Variants in TRPM3 observed in about 807,000 individuals in gnomAD.
TRPM3 encodes long transient receptor potential channel 3.
A neutral mutation model predicts 181.2 loss-of-function variants in TRPM3; 77 were observed. The ratio of observed to expected loss-of-function variants is 0.42; its 90% CI spans 0.35 to 0.51. The LOEUF (loss-of-function observed/expected upper bound fraction) is 0.51. Among genes scored for constraint, TRPM3 ranks in the 20% least tolerant of loss-of-function variants. The pLI, the probability that TRPM3 is intolerant of heterozygous loss-of-function variation, is 0.01. For missense variants in TRPM3, 1,759 were observed against 2,196.7 expected, an observed-to-expected ratio of 0.80 and a Z score of 3.98; for synonymous variants, 745 against 796.4, an observed-to-expected ratio of 0.94 and a Z score of 1.09.
chr9:70,994,434 G>A (rs1254440220), intron 1 of TRPM3, among the ~76,000 whole-genome samples: 1 of 151,962 alleles, frequency 6.6e-6, no homozygotes, highest in Non-Finnish European at 1.5e-5. Flanking sequence ...AAAACTACCT[G>A]ACTTTGACTC....
chr9:70,984,269 T>C, intron 1 of TRPM3, among the ~76,000 whole-genome samples: 1 of 152,232 alleles, frequency 6.6e-6, no homozygotes, highest in East Asian at 1.9e-4. Flanking sequence ...TCTGAGAGTG[T>C]TAAAAGCATT....
chr9:70,601,314 G>C (rs1256294911), intron 20 of TRPM3, among the ~76,000 whole-genome samples: 1 of 152,094 alleles, frequency 6.6e-6, no homozygotes, highest in African/African-American at 2.4e-5. Flanking sequence ...TGGTGACTCC[G>C]GGCAGAAGTA....
At chr9:71,057,203 C>T (rs991505852) in intron 1 of TRPM3, among the ~76,000 whole-genome samples, 1 of 152,008 alleles carries the variant, frequency 6.6e-6, no homozygotes. Context: ...TTTTCCCTTT[C>T]CTCTGAAGGG....
intron 1 of TRPM3, among the ~76,000 whole-genome samples, chr9:71,361,261 T>C (rs2132726488): frequency 6.6e-6 from 1 of 152,326 alleles, no homozygotes; most frequent in South Asian, 2.1e-4. Flanking sequence ...TTCACTATTA[T>C]CTAGTTCTGA....
At chr9:71,044,820 A>T (rs1002178146) in intron 1 of TRPM3, among the ~76,000 whole-genome samples, 2 of 150,378 alleles carry the variant, frequency 1.3e-5, no homozygotes, top group Non-Finnish European at 3.0e-5. Flanking sequence ...TACAGGCGCC[A>T]GCCACCACGC....
At chr9:70,973,830 T>G (rs1202578089) in intron 1 of TRPM3, among the ~76,000 whole-genome samples, 2 of 152,216 alleles carry the variant, frequency 1.3e-5, no homozygotes, top group East Asian at 3.8e-4. Context: ...TTTAATAAAG[T>G]TCTGCAAATC....
chr9:71,070,426 A>G (rs565156857), intron 1 of TRPM3, among the ~76,000 whole-genome samples: 2 of 152,342 alleles, frequency 1.3e-5, no homozygotes, highest in Admixed American at 6.5e-5. Flanking sequence ...TTAGCTCTGC[A>G]CCAGGTTGTG....
chr9:70,829,874 A>G (rs2093783805), intron 5 of TRPM3, among the ~76,000 whole-genome samples: 1 of 152,142 alleles, frequency 6.6e-6, no homozygotes, highest in Admixed American at 6.5e-5. Flanking sequence ...TTTTGTTGCT[A>G]CTTGTTTTTT....
At chr9:71,008,301 C>A (rs2097701277) in intron 1 of TRPM3, among the ~76,000 whole-genome samples, 1 of 152,006 alleles carries the variant, frequency 6.6e-6, no homozygotes, top group Admixed American at 6.6e-5. Context: ...AAGCCCAGAA[C>A]CTGATGGCTA....
In TRPM3 at chr9:70,640,650, G is replaced by A; in HGVS notation, c.1356C>T (p.Ala452=). The A allele has an allele frequency of 6.2e-7, 1 of 1,613,330 alleles. No homozygotes were observed. The highest frequency in any genetic ancestry group is 8.5e-7 in the Non-Finnish European group (1 of 1,179,572). ...ILTALLKGAN[A]SAPDQLSLAL... ...CTAAGCTCAGTTGGTCTGGGGCCGA[G>A]GCATTGGCTCCTGTGTGAGGACAAG... Residue 452 remains alanine, a synonymous_variant, in exon 10 of 26, where the codon GCC becomes GCT. Transcript: ENST00000677713.
intron 1 of TRPM3, among the ~76,000 whole-genome samples, chr9:71,092,185 CT>C (rs1200555495): frequency 6.6e-6 from 1 of 152,040 alleles, no homozygotes; most frequent in African/African-American, 2.4e-5. Context: ...CCTAAATTGC[CT>C]TTATAGAGAA....
At chr9:70,885,142 T>C (rs1365656158) in intron 1 of TRPM3, among the ~76,000 whole-genome samples, 1 of 152,206 alleles carries the variant, frequency 6.6e-6, no homozygotes, top group Non-Finnish European at 1.5e-5. Flanking sequence ...CCCCAGTCCC[T>C]GCTCCCCTCT....
intron 1 of TRPM3, among the ~76,000 whole-genome samples, chr9:71,311,934 G>T (rs892259683): frequency 1.3e-5 from 2 of 152,126 alleles, no homozygotes; most frequent in Non-Finnish European, 1.5e-5. Context: ...GCAAGTTTAT[G>T]AATTTGCATC....
At chr9:71,004,330 C>T (rs1404927876) in intron 1 of TRPM3, among the ~76,000 whole-genome samples, 3 of 152,254 alleles carry the variant, frequency 2.0e-5, no homozygotes, top group Non-Finnish European at 4.4e-5. Flanking sequence ...GTGGCACTAA[C>T]TTAAGTCTTT....
intron 1 of TRPM3, among the ~76,000 whole-genome samples, chr9:70,954,006 C>T (rs1442516302): frequency 6.6e-6 from 1 of 152,074 alleles, no homozygotes; most frequent in African/African-American, 2.4e-5. Flanking sequence ...CAGAAACATC[C>T]CTGAAGAAAT....
chr9:70,945,170 A>T (rs951711640), intron 1 of TRPM3, among the ~76,000 whole-genome samples: 2 of 152,122 alleles, frequency 1.3e-5, no homozygotes, highest in African/African-American at 2.4e-5. Context: ...GGCACAGGAG[A>T]TTCTAACTTC....
At chr9:71,026,130 G>A (rs1206742620) in intron 1 of TRPM3, among the ~76,000 whole-genome samples, 3 of 152,206 alleles carry the variant, frequency 2.0e-5, no homozygotes, top group Admixed American at 1.3e-4. Flanking sequence ...TGGTGTGGGA[G>A]TATCTATAGT....
chr9:71,428,935 C>A (rs2093914878), intron 1 of TRPM3, among the ~76,000 whole-genome samples: 1 of 127,194 alleles, frequency 7.9e-6, no homozygotes, highest in South Asian at 3.0e-4. Flanking sequence ...CAAAGTGGGA[C>A]CCTGTTTCAA....
In TRPM3 at chr9:71,046,694, GA is replaced by G. The variant is rs35563602; in HGVS notation, c.177+74483del. Among the ~76,000 whole-genome samples, 6 of 152,050 alleles carry G rather than the reference GA, an allele frequency of 3.9e-5. No individual in the cohort carries two copies. The South Asian group carries it at 8.3e-4, about 21-fold the overall frequency. ...CTTCTTAACAATTAAAGGAAGGTAG[GA>G]AAAAAGAAATTAATTATACACACAA... On this transcript the variant is annotated intron_variant, in intron 1 of 25. Transcript: ENST00000677713.
Sources: gnomAD v4.1 joint callset for allele counts (sites outside exome capture counted in the v4.1 genomes callset) on GRCh38, gnomAD v4.1.1 for gene constraint, MANE v1.5 for transcripts, NCBI Gene and HGNC (gene_info 2026-07-23, HGNC 2026-07-21) for gene names.